The following MMP11 variants were observed in gnomAD, a reference collection of about 807,000 sequenced individuals.
The protein encoded by MMP11 is stromelysin-3.
In MMP11, 26 loss-of-function variants were observed where a neutral mutation model predicts 49.5. That is an observed-to-expected ratio of 0.52 (90% CI 0.38 to 0.73). MMP11 has a LOEUF of 0.73. Ranked by LOEUF, MMP11 falls within the 30% of genes least tolerant of loss-of-function variation. The pLI, the probability that MMP11 is intolerant of heterozygous loss-of-function variation, is 0.00. For synonymous variants in MMP11, 265 were observed against 282.3 expected (o/e 0.94, Z 0.62); for missense variants, 624 against 671.2 (o/e 0.93, Z 0.78).
At chr22:23,774,666 A>G (rs1427943596) in intron 1 of MMP11, among the ~76,000 whole-genome samples, 1 of 152,064 alleles carries the variant, frequency 6.6e-6, no homozygotes, top group Non-Finnish European at 1.5e-5. Context: ...CTGAGCCTGC[A>G]TGGTGATGCT....
chr22:23,780,944 C>T lies in MMP11; in HGVS notation c.702C>T (p.Ser234=), dbSNP rs367573654. 3.7e-5 allele frequency: 59 copies of T among 1,613,760 alleles called. No homozygotes were observed. In the South Asian group the frequency reaches 4.1e-4, roughly 11 times the overall value. Residue 234 remains serine, a synonymous_variant, in exon 5 of 8, where the codon TCC becomes TCT. Transcript: ENST00000215743. This position sits in a 1 kb window ranked among gnomAD's most constrained non-coding sequence, Gnocchi z 4.6. ...QHTTAAKALM[S]AFYTFRYPLS... ...CAACAGCAGCCAAGGCCCTGATGTC[C>T]GCCTTCTACACCTTTCGCTACCCAC...
intron 7 of MMP11, among the ~76,000 whole-genome samples, chr22:23,783,010 C>T (rs934435524): frequency 1.3e-5 from 2 of 152,172 alleles, no homozygotes; most frequent in African/African-American, 4.8e-5. Flanking sequence ...ACATCAGGAC[C>T]CACTGGGAGA....
At position 23,780,846 on chromosome 22, in the gene MMP11, C is replaced by A. The variant is rs973749286; in HGVS notation, c.617-13C>A. ...GGAGGTTCGGGGGTTGCTGAGCCAC[C>A]TCCCTTTTTCAGGCACAGACCTGCT... On this transcript the variant is annotated splice_polypyrimidine_tract_variant and intron_variant, in intron 4 of 7. Coordinates refer to ENST00000215743, the MANE Select transcript of MMP11 (RefSeq NM_005940.5). This position sits in a 1 kb window ranked among gnomAD's most constrained non-coding sequence, Gnocchi z 4.6. The A allele has an allele frequency of 6.2e-7, 1 of 1,609,098 alleles. No homozygotes were observed. The highest frequency in any genetic ancestry group is 8.5e-7 in the Non-Finnish European group (1 of 1,177,300).
At position 23,784,204 on chromosome 22, in the gene MMP11, G is replaced by C. The variant is rs1483624459; in HGVS notation, c.*660G>C. 6.5e-6 allele frequency: 1 copy of C among 154,536 alleles called. No individual in the cohort carries two copies. The highest frequency in any genetic ancestry group is 1.4e-5 in the Non-Finnish European group (1 of 69,312). The allele number at this position is 154,536 out of a possible 1,614,324, so 9.6% of individuals were successfully genotyped here. A position where few individuals can be genotyped will look rare whatever the true frequency, so the allele number is the denominator to read the frequency against. On this transcript the variant is annotated 3_prime_UTR_variant, in exon 8 of 8. Coordinates refer to ENST00000215743, the MANE Select transcript of MMP11 (RefSeq NM_005940.5). ...GCCGGATCCTCCTGAAGCCCTTTTC[G>C]CAGCACTGCTATCCTCCAAAGCCAT...
At position 23,779,752 on chromosome 22, in the gene MMP11, G is replaced by T. The variant is rs1302763310; in HGVS notation, c.338+336G>T. ...CAGGCTCTGGGACTCCACGGTGAAT[G>T]AGGCAGACACAGCCCCATCCTCTGT... On this transcript the variant is annotated intron_variant, in intron 2 of 7. Transcript: ENST00000215743. 5 of 403,364 alleles carry T rather than the reference G, an allele frequency of 1.2e-5. No individual in the cohort carries two copies. In the Admixed American group the frequency reaches 2.1e-4, roughly 17 times the overall value. 25.0% of individuals were successfully genotyped at this position (403,364 alleles called of 1,614,324 possible).
intron 6 of MMP11, 160 bp from the exon 7 acceptor site, chr22:23,782,066 C>T (rs2145943662): frequency 9.2e-7 from 1 of 1,082,876 alleles, no homozygotes; most frequent in Non-Finnish European, 1.4e-6. Context: ...TCCCGCTTCC[C>T]TCTGCGGGTG....
At position 23,779,250 on chromosome 22, in the gene MMP11, A is replaced by G; in HGVS notation, c.172A>G (p.Ser58Gly). 1 of 1,609,324 alleles carries G rather than the reference A, an allele frequency of 6.2e-7. No homozygotes were observed. Among genetic ancestry groups the G allele is most frequent in the Non-Finnish European group, 8.5e-7 (1 of 1,178,520 alleles). ...GCCCTGGCATGCAGCCCTGCCCAGTAGCCCGGCACCTGCCCCTGCCACGCA... is the reference window on the plus strand; with the variant it reads ...GCCCTGGCATGCAGCCCTGCCCAGTGGCCCGGCACCTGCCCCTGCCACGCA... ...PQPWHAALPS[S>G]PAPAPATQEA... Residue 58 changes from serine (S) to glycine (G), a missense_variant, in exon 2 of 8, where the codon AGC becomes GGC. Physicochemically the swap from Ser to Gly is moderately conservative, Grantham distance 56 (BLOSUM62 0). Coordinates refer to ENST00000215743, the MANE Select transcript of MMP11 (RefSeq NM_005940.5).
intron 1 of MMP11, among the ~76,000 whole-genome samples, chr22:23,773,896 G>A (rs937979520): frequency 6.6e-6 from 1 of 152,166 alleles, no homozygotes; most frequent in Non-Finnish European, 1.5e-5. Context: ...GGCAGGCCTG[G>A]CCAGGCTGGG....
Position 23,772,924 on chromosome 22 carries a change from G to A in MMP11, c.54G>A (p.Pro18=), listed in dbSNP as rs1401153478. 1.1e-5 allele frequency: 13 copies of A among 1,208,484 alleles called. No individual in the cohort carries two copies. The highest frequency in any genetic ancestry group is 1.3e-5 in the Non-Finnish European group (13 of 970,018). The allele number at this position is 1,208,484 out of a possible 1,614,324, so 74.9% of individuals were successfully genotyped here. The change falls in exon 1 of 8, where the codon CCG becomes CCA. Residue 18 remains proline (P), a synonymous_variant. Coordinates refer to ENST00000215743, the MANE Select transcript of MMP11 (RefSeq NM_005940.5). ...CGGCCGCGCGCGCCCTCCTGCCCCC[G>A]ATGCTGCTGCTGCTGCTCCAGCCGC... ...RSAAARALLP[P]MLLLLLQPPP...
At chr22:23,777,095 C>G (rs1407207583) in intron 1 of MMP11, among the ~76,000 whole-genome samples, 2 of 146,060 alleles carry the variant, frequency 1.4e-5, no homozygotes, top group African/African-American at 5.0e-5. Context: ...GCGTGAGCCA[C>G]CAGGCCCGGC....
In MMP11 at chr22:23,782,284, C is replaced by T. The variant is rs28382569; in HGVS notation, c.1134C>T (p.Thr378=). 4.3e-5 allele frequency: 70 copies of T among 1,613,698 alleles called. No homozygotes were observed. The East Asian group carries it at 5.1e-4, about 12-fold the overall frequency. The change falls in exon 7 of 8, where the codon ACC becomes ACT. Residue 378 remains threonine, a synonymous_variant. Coordinates refer to ENST00000215743, the MANE Select transcript of MMP11 (RefSeq NM_005940.5). The stretch of plus-strand genomic sequence containing the variant: ...CAGTCCTGGGCCCCGCACCCCTCAC[C>T]GAGCTGGGCCTGGTGAGGTTCCCGG... The part of the protein sequence containing the change: ...EKPVLGPAPL[T]ELGLVRFPVH...
intron 1 of MMP11, among the ~76,000 whole-genome samples, chr22:23,773,824 C>T (rs1455672996): frequency 6.6e-6 from 1 of 152,160 alleles, no homozygotes; most frequent in Non-Finnish European, 1.5e-5. Flanking sequence ...CCAGACAGCT[C>T]GGGCAGGGAA....
rs1266555381 is a variant in MMP11 at position 23,772,862 on chromosome 22, C to CCGGGGCGGATGGCT, written c.-7_7dup. On this transcript the variant is annotated 5_prime_UTR_variant, in exon 1 of 8. In the 5' UTR this introduces an upstream ATG that the reference lacks. Coordinates refer to ENST00000215743, the MANE Select transcript of MMP11 (RefSeq NM_005940.5). The stretch of plus-strand genomic sequence containing the variant: ...GAGCGGCCCAGCAAGCCCAGCAGCC[C>CCGGGGCGGATGGCT]CGGGGCGGATGGCTCCGGCCGCCTG... The CCGGGGCGGATGGCT allele has an allele frequency of 8.7e-7, 1 of 1,152,632 alleles. No homozygotes were observed. Among genetic ancestry groups the CCGGGGCGGATGGCT allele is most frequent in the East Asian group, 4.2e-5 (1 of 23,890 alleles). The allele number at this position is 1,152,632 out of a possible 1,614,324, so 71.4% of individuals were successfully genotyped here. A position where few individuals can be genotyped will look rare whatever the true frequency, so the allele number is the denominator to read the frequency against.
chr22:23,775,089 G>A (rs1324628586), intron 1 of MMP11, among the ~76,000 whole-genome samples: 2 of 152,228 alleles, frequency 1.3e-5, no homozygotes, highest in Admixed American at 1.3e-4. Context: ...TGCACTGGAA[G>A]CAGAAATGCT....
In MMP11 at chr22:23,779,280, G is replaced by GC. The variant is rs1256478040; in HGVS notation, c.208dup (p.Arg70ProfsTer18). 1.2e-6 allele frequency: 2 copies of GC among 1,610,036 alleles called. No homozygotes were observed. Reference sequence around the variant, plus strand: ...GGCACCTGCCCCTGCCACGCAGGAAGCCCCCCGGCCTGCCAGCAGCCTCAG... The same window carrying GC: ...GGCACCTGCCCCTGCCACGCAGGAAGCCCCCCCGGCCTGCCAGCAGCCTCAG... On this transcript the variant is annotated frameshift_variant, in exon 2 of 8. Transcript: ENST00000215743. LOFTEE classifies it high-confidence loss of function.
chr22:23,775,224 C>G (rs550545670), intron 1 of MMP11, among the ~76,000 whole-genome samples: 23 of 152,354 alleles, frequency 1.5e-4, no homozygotes, highest in Admixed American at 1.5e-3. Flanking sequence ...TGACCCCGGG[C>G]AAAGTCCTTG....
intron 1 of MMP11, among the ~76,000 whole-genome samples, chr22:23,775,454 C>G (rs1249656156): frequency 6.6e-6 from 1 of 152,218 alleles, no homozygotes; most frequent in Non-Finnish European, 1.5e-5. Context: ...CCAGAAAGGA[C>G]TTGGAAAGAT....
Position 23,782,261 on chromosome 22 carries a change from G to A in MMP11, c.1111G>A (p.Val371Ile). Reference protein sequence around the residue: ...QYWVYDGEKPVLGPAPLTELG... With the variant: ...QYWVYDGEKPILGPAPLTELG... Reference sequence around the variant, plus strand: ...CTGGGTGTACGACGGTGAAAAGCCAGTCCTGGGCCCCGCACCCCTCACCGA... The same window carrying A: ...CTGGGTGTACGACGGTGAAAAGCCAATCCTGGGCCCCGCACCCCTCACCGA... Residue 371 changes from valine to isoleucine, a missense_variant, in exon 7 of 8, where the codon GTC (valine) becomes ATC (isoleucine). Transcript: ENST00000215743. 1 of 1,613,656 alleles carries A rather than the reference G, an allele frequency of 6.2e-7. No individual in the cohort carries two copies.
At chr22:23,783,167 G>A (rs1295071582) in intron 7 of MMP11, among the ~76,000 whole-genome samples, 1 of 152,182 alleles carries the variant, frequency 6.6e-6, no homozygotes, top group Non-Finnish European at 1.5e-5. Flanking sequence ...GGCCTCTGAG[G>A]CTCTGGGTAC....
Sources: allele counts gnomAD v4.1 joint callset (sites outside exome capture counted in the v4.1 genomes callset), GRCh38; gene constraint gnomAD v4.1.1; non-coding constraint Gnocchi (gnomAD v3.1); transcripts MANE v1.5; gene names NCBI Gene and HGNC (gene_info 2026-07-23, HGNC 2026-07-21).